Variants in PCNX2 observed in about 807,000 individuals in gnomAD.
The protein encoded by PCNX2 is pecanex-like protein 2.
PCNX2 carries 168 observed loss-of-function variants against 223.8 expected under a neutral mutation model. That is an observed-to-expected ratio of 0.75 (90% CI 0.66 to 0.85). The LOEUF is 0.85. Among genes scored for constraint, PCNX2 ranks in the 40% least tolerant of loss-of-function variants. PCNX2 has a pLI of 0.00. For synonymous variants in PCNX2, 1,006 were observed against 1,052.6 expected (o/e 0.96, Z 0.86); for missense variants, 2,507 against 2,675.5 (o/e 0.94, Z 1.39).
chr1:233,087,128 A>G (rs1234287146), intron 23 of PCNX2: 2 of 985,276 alleles, frequency 2.0e-6, no homozygotes, highest in Non-Finnish European at 2.4e-6. Context: ...GTCACTGGTG[A>G]TTTATTTATC....
At chr1:233,095,718 C>A (rs960750644) in intron 22 of PCNX2, 37 bp downstream of exon 22, 12 of 1,501,302 alleles carry the variant, frequency 8.0e-6, no homozygotes, top group Non-Finnish European at 8.2e-6. Flanking sequence ...AAATGTGAAT[C>A]TCAGCTGGAG....
At position 233,289,125 on chromosome 1, in the gene PCNX2, CT is replaced by C. The variant is rs555997119; in HGVS notation, c.153+6200del. The stretch of plus-strand genomic sequence containing the variant: ...ATGCTTTTGCTTATATTTTGTACAG[CT>C]TTTCCAAGTTGGCTTAGGCAGGATT... On this transcript the variant is annotated intron_variant, in intron 1 of 33. Transcript: ENST00000258229. The C allele has an allele frequency of 5.7e-4, 512 of 898,018 alleles. 2 individuals are homozygous for C. Among genetic ancestry groups the C allele is most frequent in the South Asian group, 7.1e-4 (55 of 77,058 alleles). 55.6% of individuals were successfully genotyped at this position (898,018 alleles called of 1,614,324 possible). A position where few individuals can be genotyped will look rare whatever the true frequency, so the allele number is the denominator to read the frequency against.
chr1:233,136,533 A>C (rs80018799), intron 20 of PCNX2, among the ~76,000 whole-genome samples: 3 of 152,132 alleles, frequency 2.0e-5, no homozygotes, highest in African/African-American at 7.2e-5. Context: ...GGCCTTGTAC[A>C]GCAGGCTTGG....
intron 19 of PCNX2, among the ~76,000 whole-genome samples, chr1:233,157,766 A>G (rs772093726): frequency 2.0e-5 from 3 of 152,190 alleles, no homozygotes; most frequent in Non-Finnish European, 4.4e-5. Flanking sequence ...CTGGGCTTAA[A>G]TCATCTTTAA....
chr1:233,209,846 A>C (rs1681722170), intron 12 of PCNX2, among the ~76,000 whole-genome samples: 1 of 152,214 alleles, frequency 6.6e-6, no homozygotes, highest in African/African-American at 2.4e-5. Flanking sequence ...GCTAAAGCCC[A>C]AGTTCAATCT....
the PCNX2 span, among the ~76,000 whole-genome samples, chr1:233,301,952 C>T: frequency 1.4e-5 from 2 of 147,448 alleles, no homozygotes; most frequent in South Asian, 2.2e-4. Context: ...CCACCACCCC[C>T]GGCTAATTTT....
At chr1:233,160,246 CTTTT>C in intron 19 of PCNX2, 33 bp downstream of exon 19, 6 of 1,444,808 alleles carry the variant, frequency 4.2e-6, no homozygotes, top group Non-Finnish European at 3.8e-6. Context: ...CCTACCCCTC[CTTTT>C]TTTTTTTTTT....
intron 23 of PCNX2, among the ~76,000 whole-genome samples, chr1:233,079,430 C>T (rs1036510175): frequency 8.8e-5 from 13 of 148,002 alleles, no homozygotes; most frequent in Middle Eastern, 6.5e-3. Context: ...GAGGCTGAGG[C>T]GGGAGAATCA....
In PCNX2 at chr1:233,041,078, A is replaced by AT. The variant is rs1185774110; in HGVS notation, c.4351+13189dup. Among the ~76,000 whole-genome samples, 3 of 152,202 alleles carry AT rather than the reference A, an allele frequency of 2.0e-5. No homozygotes were observed. In the East Asian group the frequency reaches 5.8e-4, roughly 29 times the overall value. On this transcript the variant is annotated intron_variant, in intron 25 of 33. Coordinates refer to ENST00000258229, the MANE Select transcript of PCNX2 (RefSeq NM_014801.4). ...CACTCCATGGCCAAGTATTATAATC[A>AT]TTGTCACAACCTTACATATTAAATA...
At chr1:233,295,880 CTCTT>C (rs1477682287), upstream of PCNX2, among the ~76,000 whole-genome samples, 7 of 152,018 alleles carry the variant, frequency 4.6e-5, no homozygotes, top group African/African-American at 1.7e-4. The surrounding 1 kb of genome is among the most constrained non-coding windows in gnomAD (Gnocchi z 4.1). Context: ...CTCTTTTTCT[CTCTT>C]TCTTTCTCTC....
intron 1 of PCNX2, among the ~76,000 whole-genome samples, chr1:233,273,984 C>T (rs138774650): frequency 1.6e-3 from 245 of 152,210 alleles, no homozygotes; most frequent in African/African-American, 5.5e-3. Context: ...TCTCTGGCTC[C>T]CATTGTTTTA....
At chr1:233,027,899 A>C (rs1671137933) in intron 25 of PCNX2, among the ~76,000 whole-genome samples, 1 of 152,186 alleles carries the variant, frequency 6.6e-6, no homozygotes, top group South Asian at 2.1e-4. Flanking sequence ...CTCTCTATGC[A>C]TTGCTTTAGT....
At chr1:233,261,701 T>C (rs1660052038) in intron 3 of PCNX2, among the ~76,000 whole-genome samples, 1 of 152,204 alleles carries the variant, frequency 6.6e-6, no homozygotes, top group Non-Finnish European at 1.5e-5. Context: ...TGATATCCAT[T>C]TCAGGTGGAA....
chr1:233,045,476 G>A (rs577479708), intron 25 of PCNX2, among the ~76,000 whole-genome samples: 5 of 152,262 alleles, frequency 3.3e-5, no homozygotes, highest in South Asian at 4.2e-4. Context: ...TGTAACAGAC[G>A]TCTGTTGCAT....
Position 233,000,379 on chromosome 1 carries a change from C to A in PCNX2, c.5254G>T (p.Val1752Leu). ...NKEELLTLRH[V>L]VDEGADEYKV... ...TACTCGTCGGCACCCTCGTCCACCA[C>A]GTGCCGCAGGGTGAGCAGCTCTTCC... Residue 1752 changes from valine to leucine, a missense_variant, in exon 30 of 34, where the codon GTG becomes TTG. Physicochemically the swap from Val to Leu is conservative, Grantham distance 32. This residue lies in a region of PCNX2 where 1,372 missense variants were observed against 1,509.4 expected (regional missense o/e 0.91). Transcript: ENST00000258229. The surrounding 1 kb of genome is among the most constrained non-coding windows in gnomAD (Gnocchi z 4.6). 6.2e-7 allele frequency: 1 copy of A among 1,613,206 alleles called. No individual in the cohort carries two copies. The highest frequency in any genetic ancestry group is 8.5e-7 in the Non-Finnish European group (1 of 1,179,344).
At chr1:233,119,456 G>C (rs1364522839) in intron 21 of PCNX2, among the ~76,000 whole-genome samples, 1 of 146,344 alleles carries the variant, frequency 6.8e-6, no homozygotes, top group African/African-American at 2.5e-5. Context: ...GTGGTGGTGG[G>C]CGCCTGTAGT....
In PCNX2 at chr1:233,229,009, T is replaced by C. The variant is rs148788854; in HGVS notation, c.2359-1638A>G. Among the ~76,000 whole-genome samples, 174 of 152,252 alleles carry C rather than the reference T, an allele frequency of 1.1e-3. 1 individual carries two copies. The highest frequency in any genetic ancestry group is 3.6e-3 in the African/African-American group (148 of 41,550). On this transcript the variant is annotated intron_variant, in intron 9 of 33. Transcript: ENST00000258229. ...ACAAAGAGCAGCGGTGGAGGTGACATTGGCTTTTAAAGGACTTCTACATTT... is the reference window on the plus strand; with the variant it reads ...ACAAAGAGCAGCGGTGGAGGTGACACTGGCTTTTAAAGGACTTCTACATTT...
intron 25 of PCNX2, among the ~76,000 whole-genome samples, chr1:233,035,676 T>C: frequency 6.6e-6 from 1 of 152,234 alleles, no homozygotes; most frequent in Non-Finnish European, 1.5e-5. Flanking sequence ...GCACAAACGT[T>C]GGGATACATA....
At chr1:233,193,273 A>G (rs953302330) in intron 15 of PCNX2, among the ~76,000 whole-genome samples, 2 of 151,892 alleles carry the variant, frequency 1.3e-5, no homozygotes, top group Non-Finnish European at 2.9e-5. Context: ...AATGAGAGAC[A>G]TGAAAGACAG....
Sources: gnomAD v4.1 joint callset for allele counts (sites outside exome capture counted in the v4.1 genomes callset) on GRCh38, gnomAD v4.1.1 for gene constraint, gnomAD v4.1.1 regional missense constraint, Gnocchi (gnomAD v3.1) non-coding constraint, MANE v1.5 for transcripts, NCBI Gene and HGNC (gene_info 2026-07-23, HGNC 2026-07-21) for gene names.